ANKS1B: variants seen among roughly 807,000 people sequenced by gnomAD.
The protein encoded by ANKS1B is ankyrin repeat and sterile alpha motif domain containing 1B.
In ANKS1B, 36 loss-of-function variants were observed where a neutral mutation model predicts 148.3. That is an observed-to-expected ratio of 0.24 (90% confidence interval 0.19 to 0.32). ANKS1B has a LOEUF of 0.32. Among genes scored for constraint, ANKS1B ranks in the 10% least tolerant of loss-of-function variants. ANKS1B has a pLI of 1.00. For missense variants in ANKS1B, 1,157 were observed against 1,542.6 expected, an observed-to-expected ratio of 0.75 and a Z score of 4.19; for synonymous variants, 542 against 560.8, an observed-to-expected ratio of 0.97 and a Z score of 0.47.
chr12:98,745,509 C>T lies in ANKS1B; in HGVS notation c.*230G>A. On this transcript the variant is annotated 3_prime_UTR_variant, in exon 27 of 27. Transcript: ENST00000683438. ...GGGGAGTCGGGAGCATCAGGGAAAA[C>T]CCATCTCAACTCACGCCTCTCAGGG... The T allele has an allele frequency of 8.1e-7, 1 of 1,231,720 alleles. No homozygotes were observed. Among genetic ancestry groups the T allele is most frequent in the Non-Finnish European group, 1.0e-6 (1 of 982,304 alleles). 76.3% of individuals were successfully genotyped at this position (1,231,720 alleles called of 1,614,324 possible). A position where few individuals can be genotyped will look rare whatever the true frequency, so the allele number is the denominator to read the frequency against.
chr12:99,312,740 C>T (rs922339725), intron 12 of ANKS1B, among the ~76,000 whole-genome samples: 6 of 151,814 alleles, frequency 4.0e-5, no homozygotes, highest in African/African-American at 1.2e-4. Flanking sequence ...CTTTCTCATC[C>T]GTGACATGGA....
chr12:99,136,884 G>A (rs1266290175), intron 15 of ANKS1B, among the ~76,000 whole-genome samples: 2 of 152,106 alleles, frequency 1.3e-5, no homozygotes, highest in Non-Finnish European at 2.9e-5. Flanking sequence ...TTGCTACAGT[G>A]TAGTTAAGTT....
At chr12:99,350,857 T>A (rs770813045) in intron 12 of ANKS1B, among the ~76,000 whole-genome samples, 1 of 152,090 alleles carries the variant, frequency 6.6e-6, no homozygotes, top group Non-Finnish European at 1.5e-5. Context: ...TCTTTCTGAA[T>A]GCATTCAGCT....
intron 9 of ANKS1B, among the ~76,000 whole-genome samples, chr12:99,563,390 G>A (rs1208294236): frequency 1.3e-5 from 2 of 152,162 alleles, no homozygotes; most frequent in African/African-American, 4.8e-5. Context: ...GAACACTTAA[G>A]AGCCCATTGC....
chr12:99,743,828 T>C (rs2060340573), intron 8 of ANKS1B, among the ~76,000 whole-genome samples: 3 of 152,232 alleles, frequency 2.0e-5, no homozygotes, highest in African/African-American at 7.2e-5. Context: ...TTCTCCATAT[T>C]GAACTATGTC....
At position 98,744,443 on chromosome 12, in the gene ANKS1B, T is replaced by C. The variant is rs548666666; in HGVS notation, c.*1296A>G. ...TAATGAACTTCAAAATGATTCACAA[T>C]ATGATTGTTAGAACAATATACATTA... On this transcript the variant is annotated 3_prime_UTR_variant, in exon 27 of 27. Coordinates refer to ENST00000683438, the MANE Select transcript of ANKS1B (RefSeq NM_001352186.2). 2.7e-5 allele frequency: 21 copies of C among 772,196 alleles called. No homozygotes were observed. The South Asian group carries it at 1.1e-3, about 42-fold the overall frequency. The allele number at this position is 772,196 out of a possible 1,614,324, so 47.8% of individuals were successfully genotyped here. A position where few individuals can be genotyped will look rare whatever the true frequency, so the allele number is the denominator to read the frequency against.
chr12:99,664,099 A>G (rs1285652224), intron 8 of ANKS1B, among the ~76,000 whole-genome samples: 1 of 152,072 alleles, frequency 6.6e-6, no homozygotes, highest in African/African-American at 2.4e-5. Context: ...TTTATGCACA[A>G]TACGCAGAAG....
chr12:99,150,508 C>G (rs2074535976), intron 15 of ANKS1B, among the ~76,000 whole-genome samples: 1 of 151,978 alleles, frequency 6.6e-6, no homozygotes, highest in Non-Finnish European at 1.5e-5. Flanking sequence ...GGATAAAAGA[C>G]AGCAGGGAAG....
intron 17 of ANKS1B, among the ~76,000 whole-genome samples, chr12:98,897,609 C>T (rs2099766560): frequency 6.6e-6 from 1 of 152,162 alleles, no homozygotes; most frequent in Non-Finnish European, 1.5e-5. Flanking sequence ...TGCTTATACA[C>T]AATTGGTGGG....
chr12:99,648,221 C>T (rs771264905), intron 9 of ANKS1B: 26 of 1,614,158 alleles, frequency 1.6e-5, no homozygotes, highest in Non-Finnish European at 2.1e-5. Flanking sequence ...CAAAGCAGCC[C>T]CGCAATGGGC....
At chr12:99,686,072 A>G (rs1043237714) in intron 8 of ANKS1B, among the ~76,000 whole-genome samples, 6 of 152,130 alleles carry the variant, frequency 3.9e-5, no homozygotes, top group African/African-American at 1.4e-4. Flanking sequence ...ACAAATCACC[A>G]CTAAAGAACT....
chr12:99,394,846 C>T (rs1225608435), intron 12 of ANKS1B, among the ~76,000 whole-genome samples: 1 of 152,164 alleles, frequency 6.6e-6, no homozygotes, highest in East Asian at 1.9e-4. Flanking sequence ...CCTTCTGCTG[C>T]CTACTTGACA....
chr12:98,780,970 T>A (rs1376562353), intron 24 of ANKS1B, 147 bp downstream of exon 24: 19 of 594,578 alleles, frequency 3.2e-5, no homozygotes, highest in Middle Eastern at 4.5e-4. Flanking sequence ...TGAGCGTGTA[T>A]CTATAGGTAT....
intron 14 of ANKS1B, among the ~76,000 whole-genome samples, chr12:99,181,877 C>T (rs1489028529): frequency 6.6e-6 from 1 of 151,834 alleles, no homozygotes; most frequent in Non-Finnish European, 1.5e-5. Flanking sequence ...GATAGTTACC[C>T]TGTTGTACTA....
chr12:99,311,643 G>T (rs981296740), intron 12 of ANKS1B, among the ~76,000 whole-genome samples: 27 of 152,052 alleles, frequency 1.8e-4, no homozygotes, highest in African/African-American at 6.5e-4. Flanking sequence ...CAGGAAGCTG[G>T]ATTAATAATC....
intron 8 of ANKS1B, among the ~76,000 whole-genome samples, chr12:99,752,011 GAATTATAAAT>G (rs967536414): frequency 8.6e-5 from 13 of 152,002 alleles, no homozygotes; most frequent in African/African-American, 2.7e-4. Context: ...TAAATTTATA[GAATTATAAAT>G]AATGGGGAAA....
intron 17 of ANKS1B, among the ~76,000 whole-genome samples, chr12:98,885,948 A>AG (rs2099739020): frequency 1.3e-5 from 2 of 152,308 alleles, no homozygotes; most frequent in South Asian, 4.1e-4. Context: ...CCCAGGCACC[A>AG]GCAAGATGAA....
At chr12:99,340,932 T>C (rs1469941446) in intron 12 of ANKS1B, among the ~76,000 whole-genome samples, 1 of 152,110 alleles carries the variant, frequency 6.6e-6, no homozygotes, top group East Asian at 1.9e-4. Context: ...TTCTTCTAGA[T>C]TTATCTCAAT....
At chr12:99,581,081 G>A (rs1037245485) in intron 9 of ANKS1B, among the ~76,000 whole-genome samples, 41 of 151,992 alleles carry the variant, frequency 2.7e-4, no homozygotes, top group African/African-American at 9.4e-4. Flanking sequence ...ATAAGGAAAC[G>A]CAAAGTACCT....
Sources: gnomAD v4.1 joint callset for allele counts (sites outside exome capture counted in the v4.1 genomes callset) on GRCh38, gnomAD v4.1.1 for gene constraint, MANE v1.5 for transcripts, NCBI Gene and HGNC (gene_info 2026-07-23, HGNC 2026-07-21) for gene names.